Variants in DPP6 observed in about 807,000 individuals in gnomAD.
DPP6 encodes the protein A-type potassium channel modulatory protein DPP6.
A neutral mutation model predicts 122.6 loss-of-function variants in DPP6; 69 were observed. The ratio of observed to expected loss-of-function variants is 0.56; its 90% CI spans 0.46 to 0.69. DPP6 has a LOEUF of 0.69. Among genes scored for constraint, DPP6 ranks in the 30% least tolerant of loss-of-function variants. DPP6 has a pLI of 0.00. For missense variants in DPP6, 928 were observed against 1,116.9 expected (o/e 0.83, Z 2.41); for synonymous variants, 418 against 433.1 (o/e 0.97, Z 0.43).
chr7:154,823,510 G>A (rs774979146), intron 16 of DPP6, among the ~76,000 whole-genome samples: 1 of 152,188 alleles, frequency 6.6e-6, no homozygotes, highest in African/African-American at 2.4e-5. Flanking sequence ...TACTTCAGAG[G>A]GAAGTACTGG....
At chr7:154,859,372 T>C (rs1803129824) in intron 17 of DPP6, among the ~76,000 whole-genome samples, 1 of 152,234 alleles carries the variant, frequency 6.6e-6, no homozygotes, top group Non-Finnish European at 1.5e-5. Flanking sequence ...TGTGACGCCA[T>C]GACTGGCAGC....
chr7:154,336,053 G>A (rs1021157069), intron 1 of DPP6, among the ~76,000 whole-genome samples: 6 of 151,906 alleles, frequency 3.9e-5, no homozygotes, highest in African/African-American at 7.3e-5. Flanking sequence ...CTACTGTATT[G>A]ATGTTTTTCC....
chr7:154,140,855 A>G (rs978405633), intron 1 of DPP6, among the ~76,000 whole-genome samples: 28 of 152,254 alleles, frequency 1.8e-4, no homozygotes, highest in African/African-American at 6.8e-4. Context: ...ATACATAAAT[A>G]AAATGCTTGC....
chr7:154,889,740 G>A (rs753434206), intron 25 of DPP6: 22 of 753,332 alleles, frequency 2.9e-5, no homozygotes, highest in Non-Finnish European at 3.3e-5. Flanking sequence ...ACTTCAGCCC[G>A]GTTTAAATCC....
intron 1 of DPP6, among the ~76,000 whole-genome samples, chr7:153,989,271 G>A (rs1797020323): frequency 1.4e-5 from 2 of 143,604 alleles, no homozygotes; most frequent in Non-Finnish European, 1.5e-5. Flanking sequence ...GTGAGAAAGT[G>A]GGTGAATGTG....
intron 1 of DPP6, among the ~76,000 whole-genome samples, chr7:153,922,049 A>G (rs1449800851): frequency 2.6e-5 from 4 of 152,188 alleles, no homozygotes; most frequent in African/African-American, 9.7e-5. Context: ...CAAGGGCACT[A>G]TTGATCTGGT....
intron 1 of DPP6, among the ~76,000 whole-genome samples, chr7:154,122,528 T>G (rs1296253950): frequency 1.3e-5 from 2 of 152,244 alleles, no homozygotes; most frequent in Non-Finnish European, 2.9e-5. Flanking sequence ...TGAGTGACTT[T>G]GAGCCTGTTT....
Position 154,821,628 on chromosome 7 carries a change from G to GTGTATA in DPP6, c.1666+14517_1666+14518insGTATAT, listed in dbSNP as rs1799767468. Among the ~76,000 whole-genome samples the GTGTATA allele has an allele frequency of 4.4e-5, 3 of 68,368 alleles. No homozygotes were observed. Among genetic ancestry groups the GTGTATA allele is most frequent in the Non-Finnish European group, 6.0e-5 (2 of 33,128 alleles). 44.9% of individuals were successfully genotyped at this position (68,368 alleles called of 152,430 possible). On this transcript the variant is annotated intron_variant, in intron 16 of 25. Transcript: ENST00000377770. This position sits in a 1 kb window ranked among gnomAD's most constrained non-coding sequence, Gnocchi z 4.2. ...ATATATATATATATATTTTTTTTCT[G>GTGTATA]TATATATATATATATATACACATAT...
At chr7:154,462,517 A>G (rs1246251535) in intron 2 of DPP6, among the ~76,000 whole-genome samples, 2 of 152,032 alleles carry the variant, frequency 1.3e-5, no homozygotes, top group Non-Finnish European at 2.9e-5. Context: ...TTTATTTTTT[A>G]TGTCTGCTTC....
intron 5 of DPP6, among the ~76,000 whole-genome samples, chr7:154,621,047 A>G (rs1834614266): frequency 6.6e-6 from 1 of 152,186 alleles, no homozygotes; most frequent in South Asian, 2.1e-4. Flanking sequence ...TAGAACTCAG[A>G]GCTGAAACCC....
chr7:154,585,019 A>T (rs1468502122), intron 5 of DPP6, among the ~76,000 whole-genome samples: 1 of 152,220 alleles, frequency 6.6e-6, no homozygotes, highest in African/African-American at 2.4e-5. Flanking sequence ...AAATTGGGAT[A>T]TGGAACAGCC....
rs1455017050 is a variant in DPP6 at position 154,693,477 on chromosome 7, G to T, written c.762+24036G>T. Among the ~76,000 whole-genome samples, 4 of 152,206 alleles carry T rather than the reference G, an allele frequency of 2.6e-5. No homozygotes were observed. In the East Asian group the frequency reaches 5.8e-4, roughly 22 times the overall value. ...AGAAGTGCTAATTACCAAGCTCACA[G>T]CAGAAGGTTGGCTGCATTTTAAACT... On this transcript the variant is annotated intron_variant, in intron 7 of 25. Coordinates refer to ENST00000377770, the MANE Select transcript of DPP6 (RefSeq NM_130797.4).
chr7:154,829,849 T>G (rs1800493276), intron 16 of DPP6, among the ~76,000 whole-genome samples: 1 of 152,134 alleles, frequency 6.6e-6, no homozygotes, highest in Non-Finnish European at 1.5e-5. Context: ...GCTCCTCATG[T>G]GGAATCTAGG....
intron 1 of DPP6, among the ~76,000 whole-genome samples, chr7:154,354,139 C>T (rs1478103822): frequency 6.6e-6 from 1 of 152,190 alleles, no homozygotes; most frequent in Non-Finnish European, 1.5e-5. Flanking sequence ...AAGTGCACGC[C>T]TGGGGAAGTA....
chr7:154,643,467 C>CCTTTT (rs1563052019), intron 6 of DPP6, among the ~76,000 whole-genome samples: 2 of 117,554 alleles, frequency 1.7e-5, no homozygotes. Context: ...TGAGTAATTT[C>CCTTTT]TTTTTTTTTT....
At chr7:153,834,755 TAAAC>T in the DPP6 span, among the ~76,000 whole-genome samples, 1 of 152,154 alleles carries the variant, frequency 6.6e-6, no homozygotes, top group African/African-American at 2.4e-5. Context: ...ATTTAATAAA[TAAAC>T]AATTTAGGGC....
the DPP6 span, among the ~76,000 whole-genome samples, chr7:153,877,611 AATGTT>A: frequency 6.6e-6 from 1 of 152,190 alleles, no homozygotes; most frequent in Non-Finnish European, 1.5e-5. Context: ...TGTTGACTGA[AATGTT>A]ATGTCATGCA....
chr7:154,111,893 A>G (rs71203922), intron 1 of DPP6, among the ~76,000 whole-genome samples: 366 of 148,110 alleles, frequency 2.5e-3, no homozygotes, highest in African/African-American at 9.3e-3. Context: ...TAGGCATAAG[A>G]CAGGATTCTT....
At chr7:154,769,386 A>G in intron 8 of DPP6, 31 bp from the exon 9 acceptor site, 5 of 1,612,004 alleles carry the variant, frequency 3.1e-6, no homozygotes, top group Non-Finnish European at 3.4e-6. Context: ...ACTTGTTACT[A>G]TTCACATTTC....
Sources: gnomAD v4.1 joint callset for allele counts (sites outside exome capture counted in the v4.1 genomes callset) on GRCh38, gnomAD v4.1.1 for gene constraint, Gnocchi (gnomAD v3.1) non-coding constraint, MANE v1.5 for transcripts, NCBI Gene and HGNC (gene_info 2026-07-23, HGNC 2026-07-21) for gene names.